Variants in TRAF3 observed in about 807,000 individuals in gnomAD.
TRAF3 encodes TNF receptor associated factor 3.
TRAF3 carries 13 observed loss-of-function variants against 62.3 expected under a neutral mutation model. The observed-to-expected ratio is 0.21, with a 90% CI of 0.14 to 0.33. TRAF3 has a LOEUF of 0.33. TRAF3 is among the 10% of genes least tolerant of loss of function. The pLI, the probability that TRAF3 is intolerant of heterozygous loss-of-function variation, is 1.00. For synonymous variants in TRAF3, 269 were observed against 283.4 expected (o/e 0.95, Z 0.51); for missense variants, 440 against 741.8 (o/e 0.59, Z 4.73).
chr14:102,870,535 C>CTA, intron 3 of TRAF3, 89 bp downstream of exon 3: 1 of 1,537,218 alleles, frequency 6.5e-7, no homozygotes, highest in East Asian at 2.4e-5. Context: ...AAATAAACCT[C>CTA]TAGAGGTTTA....
chr14:102,869,634 G>A (rs1423739578), intron 2 of TRAF3, among the ~76,000 whole-genome samples: 1 of 151,702 alleles, frequency 6.6e-6, no homozygotes, highest in Non-Finnish European at 1.5e-5. Context: ...GTAAAACCCC[G>A]TCTCTACTAA....
chr14:102,892,488 G>A (rs1889778535), intron 9 of TRAF3, among the ~76,000 whole-genome samples: 1 of 152,236 alleles, frequency 6.6e-6, no homozygotes. Context: ...CTTTTCATGA[G>A]AAGATGAAAA....
At chr14:102,889,524 GT>G (rs759724996) in intron 7 of TRAF3, 35 bp from the exon 8 acceptor site, 1 of 1,608,512 alleles carries the variant, frequency 6.2e-7, no homozygotes, top group South Asian at 1.1e-5. Context: ...TCATGCAAAC[GT>G]TTGTGCCACA....
At chr14:102,858,520 G>GAA (rs1400471849) in intron 2 of TRAF3, among the ~76,000 whole-genome samples, 1 of 128,878 alleles carries the variant, frequency 7.8e-6, no homozygotes, top group Non-Finnish European at 1.5e-5. Context: ...AGCACCTGTT[G>GAA]AAGTCCTATA....
chr14:102,903,018 T>A lies in TRAF3; in HGVS notation c.961-237T>A, dbSNP rs1890380496. 1.7e-6 allele frequency: 1 copy of A among 593,764 alleles called. No homozygotes were observed. The allele number at this position is 593,764 out of a possible 1,614,324, so 36.8% of individuals were successfully genotyped here. Reference sequence around the variant, plus strand: ...CTTAGTGGAGCCTCCTGTTGTTTTCTTCCATGTGGCTTCATGTCACCTCGA... The same window carrying A: ...CTTAGTGGAGCCTCCTGTTGTTTTCATCCATGTGGCTTCATGTCACCTCGA... On this transcript the variant is annotated intron_variant, in intron 10 of 11. Transcript: ENST00000392745. This position sits in a 1 kb window ranked among gnomAD's most constrained non-coding sequence, Gnocchi z 6.4.
intron 1 of TRAF3, among the ~76,000 whole-genome samples, chr14:102,788,759 C>T (rs755062632): frequency 6.6e-6 from 1 of 152,104 alleles, no homozygotes; most frequent in Non-Finnish European, 1.5e-5. Context: ...GATCACGCCA[C>T]TGCACTCCAG....
intron 2 of TRAF3, among the ~76,000 whole-genome samples, chr14:102,856,408 A>G (rs975468063): frequency 2.0e-5 from 3 of 152,140 alleles, no homozygotes; most frequent in African/African-American, 4.8e-5. Flanking sequence ...TGACGTTGCC[A>G]TGGTATCTGG....
chr14:102,877,156 G>A (rs1595386473), intron 6 of TRAF3, among the ~76,000 whole-genome samples: 1 of 147,920 alleles, frequency 6.8e-6, no homozygotes, highest in Non-Finnish European at 1.5e-5. Context: ...CGTTCCACAG[G>A]CCTTCCGCTC....
chr14:102,875,611 C>T lies in TRAF3; in HGVS notation c.298-13C>T, dbSNP rs1195804036. ...AATATTAATCCTCCAAAATAATGAT[C>T]TTTCATTTTCAGGTGTTTAAGGATA... On this transcript the variant is annotated splice_polypyrimidine_tract_variant and intron_variant, in intron 4 of 11. Transcript: ENST00000392745. The T allele has an allele frequency of 6.2e-7, 1 of 1,605,438 alleles. No individual in the cohort carries two copies. The highest frequency in any genetic ancestry group is 1.3e-5 in the African/African-American group (1 of 74,568).
Position 102,826,961 on chromosome 14 carries a change from G to T in TRAF3, c.-156-3373G>T, listed in dbSNP as rs1035785001. On this transcript the variant is annotated intron_variant, in intron 1 of 11. Coordinates refer to ENST00000392745, the MANE Select transcript of TRAF3 (RefSeq NM_145725.3). The surrounding 1 kb of genome is among the most constrained non-coding windows in gnomAD (Gnocchi z 4.6). The stretch of plus-strand genomic sequence containing the variant: ...GCCTCAGGTCCCAGACATAGGCTCT[G>T]TCAGTGGTGGTGGCGGTGGCTGTAC... 3.3e-5 allele frequency among the ~76,000 whole-genome samples: 5 copies of T among 152,184 alleles called. No individual in the cohort carries two copies. Among genetic ancestry groups the T allele is most frequent in the African/African-American group, 1.2e-4 (5 of 41,442 alleles).
In TRAF3 at chr14:102,803,977, C is replaced by T. The variant is rs1368731803; in HGVS notation, c.-157+26302C>T. ...CTTTGAGAGGCTCAGGCCGGAGGGTCGCTTGAGCCCAGGAGTTTGATACCC... is the reference window on the plus strand; with the variant it reads ...CTTTGAGAGGCTCAGGCCGGAGGGTTGCTTGAGCCCAGGAGTTTGATACCC... On this transcript the variant is annotated intron_variant, in intron 1 of 11. Coordinates refer to ENST00000392745, the MANE Select transcript of TRAF3 (RefSeq NM_145725.3). Among the ~76,000 whole-genome samples, 4 of 152,056 alleles carry T rather than the reference C, an allele frequency of 2.6e-5. No homozygotes were observed. In the South Asian group the frequency reaches 6.2e-4, roughly 24 times the overall value.
intron 2 of TRAF3, among the ~76,000 whole-genome samples, chr14:102,843,553 G>A (rs1886509067): frequency 6.6e-6 from 1 of 152,134 alleles, no homozygotes. Flanking sequence ...CTCCAGGCTG[G>A]TCTCGAACTC....
chr14:102,852,441 C>G (rs143725120), intron 2 of TRAF3, among the ~76,000 whole-genome samples: 2,737 of 152,302 alleles, frequency 0.018, 30 homozygotes, highest in African/African-American at 0.02. Context: ...TGCTTGCTGT[C>G]CTCACCATCA....
At chr14:102,786,067 T>C (rs1431610620) in intron 1 of TRAF3, among the ~76,000 whole-genome samples, 2 of 152,208 alleles carry the variant, frequency 1.3e-5, no homozygotes, top group East Asian at 3.8e-4. Context: ...GTCTGGTCTA[T>C]GATGTACACA....
At chr14:102,823,775 A>G (rs529122681) in intron 1 of TRAF3, among the ~76,000 whole-genome samples, 33 of 152,328 alleles carry the variant, frequency 2.2e-4, no homozygotes, top group African/African-American at 7.7e-4. Flanking sequence ...TTACCTATTT[A>G]AAGTGTCCAT....
At chr14:102,810,292 G>C (rs1899043583) in intron 1 of TRAF3, among the ~76,000 whole-genome samples, 1 of 152,150 alleles carries the variant, frequency 6.6e-6, no homozygotes, top group African/African-American at 2.4e-5. Context: ...TATAGATACT[G>C]TTCATCACAC....
At chr14:102,897,428 T>A (rs373049133) in intron 10 of TRAF3, 27 bp downstream of exon 10, 92 of 1,612,072 alleles carry the variant, frequency 5.7e-5, no homozygotes, top group Non-Finnish European at 7.0e-5. Context: ...TACGGCCAGA[T>A]CAAAGGGTGG....
intron 2 of TRAF3, among the ~76,000 whole-genome samples, chr14:102,863,453 CTG>C (rs1887795153): frequency 6.6e-6 from 1 of 152,310 alleles, no homozygotes; most frequent in African/African-American, 2.4e-5. Context: ...GAGATGAGGT[CTG>C]TGTGTATGTT....
intron 2 of TRAF3, among the ~76,000 whole-genome samples, chr14:102,843,876 G>A (rs1886534336): frequency 6.6e-6 from 1 of 152,086 alleles, no homozygotes; most frequent in Non-Finnish European, 1.5e-5. Context: ...AGAAAAAACA[G>A]ATATAAATAA....
Sources: gnomAD v4.1 joint callset for allele counts (sites outside exome capture counted in the v4.1 genomes callset) on GRCh38, gnomAD v4.1.1 for gene constraint, Gnocchi (gnomAD v3.1) non-coding constraint, MANE v1.5 for transcripts, NCBI Gene and HGNC (gene_info 2026-07-23, HGNC 2026-07-21) for gene names.